The following YWHAZ variants were observed in gnomAD, a reference collection of about 807,000 sequenced individuals.
The protein encoded by YWHAZ is 14-3-3 protein zeta/delta.
For missense variants in YWHAZ, 79 were observed against 284.8 expected (o/e 0.28, Z 5.20); for synonymous variants, 87 against 103.6 (o/e 0.84, Z 0.97).
intron 5 of YWHAZ, among the ~76,000 whole-genome samples, 172 bp from the exon 6 acceptor site, chr8:100,920,924 T>C (rs1304074045): frequency 6.6e-6 from 1 of 152,188 alleles, no homozygotes; most frequent in African/African-American, 2.4e-5. Context: ...AAATTTACTT[T>C]TTTTGTAACC....
intron 1 of YWHAZ, chr8:100,951,460 G>C: frequency 1.0e-6 from 1 of 985,182 alleles, no homozygotes; most frequent in Non-Finnish European, 1.2e-6. Flanking sequence ...CCTCACCTGC[G>C]CCACTGCGAT....
intron 2 of YWHAZ, among the ~76,000 whole-genome samples, chr8:100,943,325 T>C (rs1407263753): frequency 6.6e-6 from 1 of 152,192 alleles, no homozygotes; most frequent in Non-Finnish European, 1.5e-5. Flanking sequence ...TACAAAAAAT[T>C]CTAAGAAACT....
chr8:100,943,009 C>T (rs929315210), intron 2 of YWHAZ, among the ~76,000 whole-genome samples: 5 of 152,046 alleles, frequency 3.3e-5, no homozygotes, highest in African/African-American at 7.2e-5. Context: ...TACAATTCAG[C>T]GTGAATGTAA....
intron 2 of YWHAZ, among the ~76,000 whole-genome samples, chr8:100,927,800 G>A (rs1813467684): frequency 6.6e-6 from 1 of 152,156 alleles, no homozygotes; most frequent in South Asian, 2.1e-4. Flanking sequence ...TAAAATGGCA[G>A]TTAAGCACTT....
At chr8:100,953,367 G>A (rs1736089054), upstream of YWHAZ, 2 of 985,616 alleles carry the variant, frequency 2.0e-6, no homozygotes, top group Non-Finnish European at 2.4e-6. Flanking sequence ...GAGCCGGGAC[G>A]GGAGCCCGGA....
intron 2 of YWHAZ, among the ~76,000 whole-genome samples, chr8:100,930,138 G>A (rs992348399): frequency 2.0e-5 from 3 of 152,102 alleles, no homozygotes; most frequent in African/African-American, 7.2e-5. Context: ...TCGCTCTGTC[G>A]CCCAGGCTGG....
At chr8:100,940,917 T>A (rs1414790063) in intron 2 of YWHAZ, among the ~76,000 whole-genome samples, 1 of 152,208 alleles carries the variant, frequency 6.6e-6, no homozygotes, top group East Asian at 1.9e-4. Flanking sequence ...TTAGAAATGT[T>A]ACACAGGGAT....
intron 5 of YWHAZ, among the ~76,000 whole-genome samples, chr8:100,921,008 C>T (rs920488516): frequency 5.9e-5 from 9 of 152,052 alleles, no homozygotes; most frequent in Non-Finnish European, 1.2e-4. Flanking sequence ...TTTTGGTTAT[C>T]CACAGAAGGT....
chr8:100,944,599 G>A (rs921132913), intron 2 of YWHAZ, among the ~76,000 whole-genome samples: 1 of 152,180 alleles, frequency 6.6e-6, no homozygotes, highest in Non-Finnish European at 1.5e-5. Context: ...TGGTTGGCAT[G>A]GACCTTCTGC....
At chr8:100,923,698 C>T in intron 5 of YWHAZ, 4 of 303,178 alleles carry the variant, frequency 1.3e-5, no homozygotes, top group Non-Finnish European at 2.4e-5. Context: ...AGTCTCAGCA[C>T]ACTTTTGATA....
intron 2 of YWHAZ, among the ~76,000 whole-genome samples, chr8:100,929,201 ATTTT>A (rs200634118): frequency 7.2e-6 from 1 of 138,412 alleles, no homozygotes; most frequent in African/African-American, 2.7e-5. Context: ...TCAAACATTG[ATTTT>A]TTTTTTTTTT....
chr8:100,921,615 T>C (rs1478225729), intron 5 of YWHAZ, among the ~76,000 whole-genome samples: 2 of 152,230 alleles, frequency 1.3e-5, no homozygotes, highest in African/African-American at 4.8e-5. Context: ...CCTTTATTTA[T>C]CAGGTTGGTG....
intron 1 of YWHAZ, chr8:100,950,480 C>T: frequency 1.0e-6 from 1 of 985,578 alleles, no homozygotes; most frequent in Non-Finnish European, 1.2e-6. Flanking sequence ...CTCCGGTCCG[C>T]GTATCGCAAC....
intron 2 of YWHAZ, among the ~76,000 whole-genome samples, chr8:100,946,885 C>CAA (rs145007143): frequency 0.075 from 5,453 of 72,958 alleles, 111 homozygotes; most frequent in Non-Finnish European, 0.11. Context: ...GTAAGGTGAG[C>CAA]AAAAAAAAAA....
intron 2 of YWHAZ, among the ~76,000 whole-genome samples, chr8:100,936,328 A>G (rs1014188728): frequency 1.3e-5 from 2 of 152,240 alleles, no homozygotes; most frequent in African/African-American, 4.8e-5. Flanking sequence ...ATATACCTTA[A>G]AAAAGATTCA....
chr8:100,951,575 C>G (rs1810786335), intron 1 of YWHAZ: 7 of 985,350 alleles, frequency 7.1e-6, no homozygotes, highest in Non-Finnish European at 7.2e-6. Flanking sequence ...GGATCGCGGC[C>G]GGCGGCGCCC....
intron 2 of YWHAZ, among the ~76,000 whole-genome samples, chr8:100,926,340 G>A (rs1166512996): frequency 2.0e-5 from 3 of 152,088 alleles, no homozygotes; most frequent in Non-Finnish European, 2.9e-5. Flanking sequence ...ATTATTAACC[G>A]ATATTTAAAA....
In YWHAZ at chr8:100,924,765, G is replaced by A; in HGVS notation, c.418+151C>T. 1 of 889,166 alleles carries A rather than the reference G, an allele frequency of 1.1e-6. No individual in the cohort carries two copies. 55.1% of individuals were successfully genotyped at this position (889,166 alleles called of 1,614,324 possible). On this transcript the variant is annotated intron_variant, in intron 3 of 5. Coordinates refer to ENST00000395958, the MANE Select transcript of YWHAZ (RefSeq NM_145690.3). This position sits in a 1 kb window ranked among gnomAD's most constrained non-coding sequence, Gnocchi z 5.7. The stretch of plus-strand genomic sequence containing the variant: ...TATTTTAGAATAGCAGTATGAGGCA[G>A]TAGATGTGTATTCTCAGAACACAAA...
At chr8:100,952,088 C>T (rs1326987022), upstream of YWHAZ, 3 of 987,030 alleles carry the variant, frequency 3.0e-6, no homozygotes, top group South Asian at 4.5e-5. Context: ...TCACCAGCCC[C>T]GGCAGCAGGG....
Sources: allele counts gnomAD v4.1 joint callset (sites outside exome capture counted in the v4.1 genomes callset), GRCh38; gene constraint gnomAD v4.1.1; non-coding constraint Gnocchi (gnomAD v3.1); transcripts MANE v1.5; gene names NCBI Gene and HGNC (gene_info 2026-07-23, HGNC 2026-07-21).